Variants in GK observed in about 807,000 individuals in gnomAD.
GK encodes the protein ATP:glycerol 3-phosphotransferase.
In GK, 9 loss-of-function variants were observed where a neutral mutation model predicts 56.4. That is an observed-to-expected ratio of 0.16 (90% CI 0.10 to 0.28). GK has a LOEUF of 0.28. GK is among the 10% of genes least tolerant of loss of function. The pLI is 1.00. For synonymous variants in GK, 104 were observed against 144.1 expected (o/e 0.72, Z 1.99); for missense variants, 161 against 431.4 (o/e 0.37, Z 5.55).
chrX:30,702,204 A>T (rs1935713860), intron 11 of GK, among the ~76,000 whole-genome samples: 1 of 110,525 alleles, frequency 9.0e-6, no homozygotes, highest in African/African-American at 3.3e-5. Flanking sequence ...CACCACGCCC[A>T]GCTAATTTTG....
At chrX:30,653,984 C>T (rs763128263) in intron 1 of GK, among the ~76,000 whole-genome samples, 1 of 112,801 alleles carries the variant, frequency 8.9e-6, no homozygotes, top group African/African-American at 3.2e-5. Context: ...TCCCCAGGAA[C>T]ATTTGGCCTG....
At position 30,719,997 on chromosome X, in the gene GK, G is replaced by T. The variant is rs1379063261; in HGVS notation, c.1152-14G>T. ...ATATCATTCTAATCTGAAAATCTTTGTGCGTATTTTTAGGATAATCTGTGG... is the reference window on the plus strand; with the variant it reads ...ATATCATTCTAATCTGAAAATCTTTTTGCGTATTTTTAGGATAATCTGTGG... On this transcript the variant is annotated splice_polypyrimidine_tract_variant and intron_variant, in intron 15 of 20. Coordinates refer to ENST00000427190, the MANE Select transcript of GK (RefSeq NM_001205019.2). The T allele has an allele frequency of 9.3e-7, 1 of 1,074,313 alleles. No individual in the cohort carries two copies. Among genetic ancestry groups the T allele is most frequent in the East Asian group, 3.0e-5 (1 of 33,178 alleles). The allele number at this position is 1,074,313 out of a possible 1,213,427, so 88.5% of individuals were successfully genotyped here. A position where few individuals can be genotyped will look rare whatever the true frequency, so the allele number is the denominator to read the frequency against.
chrX:30,718,670 A>G (rs1408539539), intron 14 of GK, 54 bp downstream of exon 14: 1 of 719,880 alleles, frequency 1.4e-6, no homozygotes, highest in Non-Finnish European at 2.2e-6. Flanking sequence ...ACATTTCAGT[A>G]TTTTATCTCT....
chrX:30,692,371 A>G (rs746364603), intron 5 of GK, among the ~76,000 whole-genome samples: 1 of 111,937 alleles, frequency 8.9e-6, no homozygotes, highest in South Asian at 3.7e-4. Context: ...CATGATGAAA[A>G]TAAGATATTA....
intron 4 of GK, 98 bp from the exon 5 acceptor site, chrX:30,691,025 T>C: frequency 2.0e-6 from 1 of 509,402 alleles, no homozygotes; most frequent in Non-Finnish European, 3.4e-6. Flanking sequence ...TAATTCCTTA[T>C]AGAAACTAAT....
chrX:30,700,690 T>C, intron 10 of GK, 148 bp from the exon 11 acceptor site: 1 of 520,604 alleles, frequency 1.9e-6, no homozygotes, highest in East Asian at 3.6e-5. Flanking sequence ...TATTAACAAA[T>C]GGGGAAAATG....
chrX:30,723,810 G>A, intron 18 of GK: 1 of 313,020 alleles, frequency 3.2e-6, no homozygotes, highest in Non-Finnish European at 5.8e-6. Flanking sequence ...AACTCCTGAG[G>A]TCAAGCCATC....
chrX:30,716,331 G>A (rs1156653306), intron 13 of GK, among the ~76,000 whole-genome samples: 11 of 111,682 alleles, frequency 9.8e-5, no homozygotes, highest in Non-Finnish European at 1.7e-4. Context: ...ATTAGGTCTA[G>A]AATTATACTG....
At chrX:30,699,794 A>C (rs1425315758) in intron 9 of GK, among the ~76,000 whole-genome samples, 1 of 111,561 alleles carries the variant, frequency 9.0e-6, no homozygotes, top group Non-Finnish European at 1.9e-5. Context: ...TTCTTCCTAG[A>C]ATGCTGGCCA....
At chrX:30,688,733 G>A (rs1934763010) in intron 4 of GK, among the ~76,000 whole-genome samples, 1 of 111,472 alleles carries the variant, frequency 9.0e-6, no homozygotes, top group Admixed American at 9.5e-5. Context: ...GTCTAGCAGT[G>A]TTTCTCAAAA....
chrX:30,702,167 C>T (rs914445336), intron 11 of GK, among the ~76,000 whole-genome samples: 1 of 110,547 alleles, frequency 9.0e-6, no homozygotes, highest in Middle Eastern at 4.2e-3. Context: ...CTTAGCCTCC[C>T]GAGTAGCTGG....
chrX:30,712,452 TAG>T (rs1936370527), intron 13 of GK, among the ~76,000 whole-genome samples: 1 of 111,372 alleles, frequency 9.0e-6, no homozygotes. Flanking sequence ...CTATCTAGTC[TAG>T]AGTTTACCCC....
intron 11 of GK, among the ~76,000 whole-genome samples, chrX:30,705,227 C>T (rs1213169661): frequency 8.9e-6 from 1 of 112,113 alleles, no homozygotes. Flanking sequence ...CTCCCAACCT[C>T]AGCAGGGAGA....
chrX:30,654,020 G>A (rs904937641), intron 1 of GK, among the ~76,000 whole-genome samples: 1 of 112,531 alleles, frequency 8.9e-6, no homozygotes, highest in Non-Finnish European at 1.9e-5. Flanking sequence ...CCTTGGATGG[G>A]GGGAAAGCTG....
rs1569175059 is a variant in GK at position 30,719,405 on chromosome X, G to C, written c.1055-14G>C. 9.5e-7 allele frequency: 1 copy of C among 1,047,823 alleles called. No individual in the cohort carries two copies. Among genetic ancestry groups the C allele is most frequent in the Non-Finnish European group, 1.3e-6 (1 of 747,815 alleles). 86.4% of individuals were successfully genotyped at this position (1,047,823 alleles called of 1,213,427 possible). Reference sequence around the variant, plus strand: ...ATTTGTGTGATTTTTGTTTTGTTTTGTTTTTAATGTTAGAAAAACTTGCTA... The same window carrying C: ...ATTTGTGTGATTTTTGTTTTGTTTTCTTTTTAATGTTAGAAAAACTTGCTA... On this transcript the variant is annotated splice_polypyrimidine_tract_variant and intron_variant, in intron 14 of 20. Coordinates refer to ENST00000427190, the MANE Select transcript of GK (RefSeq NM_001205019.2).
At chrX:30,690,171 T>G (rs1934857392) in intron 4 of GK, among the ~76,000 whole-genome samples, 1 of 112,105 alleles carries the variant, frequency 8.9e-6, no homozygotes, top group African/African-American at 3.2e-5. Flanking sequence ...TTCAAATATG[T>G]GGTAGTGGGC....
At chrX:30,686,264 C>G (rs1934606058) in intron 4 of GK, among the ~76,000 whole-genome samples, 1 of 112,822 alleles carries the variant, frequency 8.9e-6, no homozygotes, top group Non-Finnish European at 1.9e-5. Context: ...TGCAAATGAC[C>G]ACTTACCCAG....
intron 9 of GK, among the ~76,000 whole-genome samples, chrX:30,699,659 C>T (rs1236867565): frequency 2.7e-5 from 3 of 110,359 alleles, no homozygotes; most frequent in African/African-American, 9.9e-5. Context: ...GCACAGTGCC[C>T]GGCTGGGGAT....
At chrX:30,707,442 A>G in intron 11 of GK, 114 bp from the exon 12 acceptor site, 1 of 520,825 alleles carries the variant, frequency 1.9e-6, no homozygotes, top group Non-Finnish European at 3.4e-6. Flanking sequence ...TTATAAAACT[A>G]TAATGACTTT....
Sources: allele counts gnomAD v4.1 joint callset (sites outside exome capture counted in the v4.1 genomes callset), GRCh38; gene constraint gnomAD v4.1.1; transcripts MANE v1.5; gene names NCBI Gene and HGNC (gene_info 2026-07-23, HGNC 2026-07-21).